Variants in ZNF717 observed in about 807,000 individuals in gnomAD.
ZNF717 encodes zinc finger protein 717.
In ZNF717, 9 loss-of-function variants were observed where a neutral mutation model predicts 13.8. The observed-to-expected ratio is 0.65, with a 90% CI of 0.39 to 1.14. The LOEUF (loss-of-function observed/expected upper bound fraction) is 1.14, where lower values mean the gene tolerates loss of function less well. Ranked by LOEUF, ZNF717 falls within the 50% of genes most tolerant of loss-of-function variation. The pLI, the probability that ZNF717 is intolerant of heterozygous loss-of-function variation, is 0.01. For synonymous variants in ZNF717, 327 were observed against 364.1 expected (o/e 0.90, Z 1.16); for missense variants, 1,040 against 1,080.7 (o/e 0.96, Z 0.53).
chr3:75,739,026 A>C lies in ZNF717; in HGVS notation c.597T>G (p.His199Gln). ...SHRHHEHLTQ[H>Q]HKIQTLLQTF... ...TCTGCAGCAGAGTTTGAATCTTGTG[A>C]TGCTGAGTAAGATGTTCATGATGTC... Residue 199 changes from histidine (H) to glutamine (Q), a missense_variant, in exon 5 of 5, where the codon CAT (histidine) becomes CAG (glutamine). His to Gln is a conservative substitution (Grantham distance 24). Coordinates refer to ENST00000652011, the MANE Select transcript of ZNF717 (RefSeq NM_001290208.3). 1.9e-6 allele frequency: 3 copies of C among 1,551,584 alleles called. No individual in the cohort carries two copies. The highest frequency in any genetic ancestry group is 2.6e-6 in the Non-Finnish European group (3 of 1,146,934).
chr3:75,719,480 A>C (rs1938126521), intron 4 of ZNF717, among the ~76,000 whole-genome samples: 1 of 152,152 alleles, frequency 6.6e-6, no homozygotes, highest in South Asian at 2.1e-4. Context: ...TGTACTGTGA[A>C]ATGTACATTT....
chr3:75,719,722 T>A (rs1184274957), intron 4 of ZNF717, among the ~76,000 whole-genome samples: 1 of 152,086 alleles, frequency 6.6e-6, no homozygotes, highest in Non-Finnish European at 1.5e-5. Context: ...TTTGGGAGGC[T>A]GAGGCAGGTG....
chr3:75,782,849 G>A (rs1419019423), intron 2 of ZNF717, among the ~76,000 whole-genome samples: 2 of 151,960 alleles, frequency 1.3e-5, no homozygotes, highest in Non-Finnish European at 2.9e-5. Context: ...AGCGGATGAC[G>A]ACCGTTTCCA....
chr3:75,756,715 C>A (rs1414499557), intron 2 of ZNF717, among the ~76,000 whole-genome samples: 1 of 151,856 alleles, frequency 6.6e-6, no homozygotes, highest in Non-Finnish European at 1.5e-5. Flanking sequence ...ATTCTTCTTG[C>A]CCAAGCTAGA....
rs1559591999 is a variant in ZNF717 at position 75,737,287 on chromosome 3, GT to G, written c.2335del (p.Thr779LeufsTer115). On this transcript the variant is annotated frameshift_variant, in exon 5 of 5. Transcript: ENST00000652011. LOFTEE classifies it low-confidence loss of function (END_TRUNC). ...HKSNLSTHQG[T>X]HSGEKPYECD... ...TTCATAGGGTTTCTCTCCTGAGTGA[GT>G]CCCCTGATGCGTACTGAGGTTTGAC... is the stretch of plus-strand genomic sequence containing the variant. The G allele has an allele frequency of 1.3e-6, 2 of 1,552,836 alleles. No homozygotes were observed. Among genetic ancestry groups the G allele is most frequent in the Non-Finnish European group, 1.7e-6 (2 of 1,147,778 alleles).
In ZNF717 at chr3:75,784,184, T is replaced by C. The variant is rs79041592; in HGVS notation, c.-2-820A>G. Among the ~76,000 whole-genome samples, 6 of 152,312 alleles carry C rather than the reference T, an allele frequency of 3.9e-5. No individual in the cohort carries two copies. In the East Asian group the frequency reaches 1.2e-3, roughly 29 times the overall value. Reference sequence around the variant, plus strand: ...CCAACCAGGCTCAGTCAACCCACCATGTGACCAAGGCCTCTTTTGTGATCC... The same window carrying C: ...CCAACCAGGCTCAGTCAACCCACCACGTGACCAAGGCCTCTTTTGTGATCC... On this transcript the variant is annotated intron_variant, in intron 1 of 4. Coordinates refer to ENST00000652011, the MANE Select transcript of ZNF717 (RefSeq NM_001290208.3).
intron 2 of ZNF717, among the ~76,000 whole-genome samples, chr3:75,752,194 C>T (rs1941892988): frequency 2.0e-5 from 3 of 151,878 alleles, no homozygotes; most frequent in Admixed American, 6.6e-5. Context: ...GAATCCAGAA[C>T]ACTGCTACGA....
chr3:75,694,910 G>T (rs1408884879), intron 6 of ZNF717, among the ~76,000 whole-genome samples: 1 of 152,092 alleles, frequency 6.6e-6, no homozygotes, highest in Non-Finnish European at 1.5e-5. Flanking sequence ...CTAAAAGGAA[G>T]ACAGGAAGAA....
chr3:75,782,509 C>T (rs531813824), intron 2 of ZNF717, among the ~76,000 whole-genome samples: 22 of 152,240 alleles, frequency 1.4e-4, no homozygotes, highest in African/African-American at 3.6e-4. Flanking sequence ...CACAACAGGC[C>T]GTGCTTTAGT....
intron 5 of ZNF717, among the ~76,000 whole-genome samples, chr3:75,711,880 A>C (rs888501341): frequency 1.4e-4 from 21 of 152,370 alleles, no homozygotes; most frequent in African/African-American, 4.8e-4. Flanking sequence ...AAAAACTTGG[A>C]ATAGCCATGG....
chr3:75,703,121 T>C, intron 6 of ZNF717, among the ~76,000 whole-genome samples: 1 of 152,306 alleles, frequency 6.6e-6, no homozygotes. Context: ...TCAATTGTAG[T>C]TAATTTAATC....
At position 75,737,132 on chromosome 3, in the gene ZNF717, C is replaced by T; in HGVS notation, c.2491G>A (p.Val831Ile). ...KTFSQKSKLF[V>I]HHRTHTGEKP... is the part of the protein sequence containing the mutation. ...TCCCCTGTGTGAGTTCTGTGATGTA[C>T]AAAGAGTTTTGACTTCTGGGAGAAG... Residue 831 changes from valine (V) to isoleucine (I), a missense_variant, in exon 5 of 5, where the codon GTA becomes ATA. Coordinates refer to ENST00000652011, the MANE Select transcript of ZNF717 (RefSeq NM_001290208.3). 3 of 1,566,962 alleles carry T rather than the reference C, an allele frequency of 1.9e-6. No individual in the cohort carries two copies. Among genetic ancestry groups the T allele is most frequent in the Non-Finnish European group, 2.6e-6 (3 of 1,156,204 alleles).
chr3:75,769,563 C>G (rs1372263489), intron 2 of ZNF717, among the ~76,000 whole-genome samples: 1 of 152,214 alleles, frequency 6.6e-6, no homozygotes, highest in Non-Finnish European at 1.5e-5. Context: ...CGTTGAAAAA[C>G]TCATGAGAGA....
Position 75,737,103 on chromosome 3 carries a change from T to G in ZNF717, c.2520A>C (p.Lys840Asn). The G allele has an allele frequency of 6.3e-7, 1 of 1,577,962 alleles. No individual in the cohort carries two copies. Among genetic ancestry groups the G allele is most frequent in the Non-Finnish European group, 8.6e-7 (1 of 1,161,826 alleles). Reference sequence around the variant, plus strand: ...TCCTACATTCATTACATCTAAAGGGTTTTTCCCCTGTGTGAGTTCTGTGAT... The same window carrying G: ...TCCTACATTCATTACATCTAAAGGGGTTTTCCCCTGTGTGAGTTCTGTGAT... ...FVHHRTHTGE[K>N]PFRCNECRKT... Residue 840 changes from lysine to asparagine, a missense_variant, in exon 5 of 5, where the codon AAA becomes AAC. Physicochemically the swap from Lys to Asn is moderately conservative, Grantham distance 94 (BLOSUM62 0). Coordinates refer to ENST00000652011, the MANE Select transcript of ZNF717 (RefSeq NM_001290208.3).
In ZNF717 at chr3:75,736,746, C is replaced by G; in HGVS notation, c.*132G>C. On this transcript the variant is annotated 3_prime_UTR_variant, in exon 5 of 5. Coordinates refer to ENST00000652011, the MANE Select transcript of ZNF717 (RefSeq NM_001290208.3). ...GAACAACAAAGCCTGCATGATAGGA[C>G]TTCTGTTACAGCATGGTTAAGACCT... 1.1e-6 allele frequency: 1 copy of G among 947,946 alleles called. No homozygotes were observed. The highest frequency in any genetic ancestry group is 1.5e-6 in the Non-Finnish European group (1 of 659,994). The allele number at this position is 947,946 out of a possible 1,614,324, so 58.7% of individuals were successfully genotyped here.
In ZNF717 at chr3:75,784,296, T is replaced by G. The variant is rs568772193; in HGVS notation, c.-2-932A>C. On this transcript the variant is annotated intron_variant, in intron 1 of 4. Transcript: ENST00000652011. ...AACTTCAAACAAATAAAATGGTGGT[T>G]GTTTTTTATAAGCCAGTAAGGTTTA... Among the ~76,000 whole-genome samples the G allele has an allele frequency of 3.8e-3, 575 of 152,358 alleles. 4 individuals are homozygous for G. Among genetic ancestry groups the G allele is most frequent in the African/African-American group, 0.013 (552 of 41,578 alleles).
At chr3:75,776,005 A>G (rs573396728) in intron 2 of ZNF717, among the ~76,000 whole-genome samples, 42 of 152,398 alleles carry the variant, frequency 2.8e-4, no homozygotes, top group Non-Finnish European at 5.6e-4. Context: ...TTAGACATAT[A>G]ATTTAAATAA....
At chr3:75,696,040 G>C (rs1194116250) in intron 6 of ZNF717, among the ~76,000 whole-genome samples, 8 of 152,412 alleles carry the variant, frequency 5.2e-5, no homozygotes, top group African/African-American at 1.9e-4. Context: ...TTGATTTTTT[G>C]AAAAGTAAAA....
chr3:75,768,090 G>T (rs573882434), intron 2 of ZNF717, among the ~76,000 whole-genome samples: 10 of 152,280 alleles, frequency 6.6e-5, no homozygotes, highest in South Asian at 2.1e-4. Flanking sequence ...ACCAGGACTG[G>T]GCACTAATCA....
Sources: allele counts gnomAD v4.1 joint callset (sites outside exome capture counted in the v4.1 genomes callset), GRCh38; gene constraint gnomAD v4.1.1; transcripts MANE v1.5; gene names NCBI Gene and HGNC (gene_info 2026-07-23, HGNC 2026-07-21).